The following ZC3H12B variants were observed in gnomAD, a reference collection of about 807,000 sequenced individuals.
The protein encoded by ZC3H12B is probable ribonuclease ZC3H12B.
ZC3H12B carries 7 observed loss-of-function variants against 43.9 expected under a neutral mutation model. That is an observed-to-expected ratio of 0.16 (90% confidence interval 0.09 to 0.30). The LOEUF (loss-of-function observed/expected upper bound fraction) is 0.30, where lower values mean the gene tolerates loss of function less well. Among genes scored for constraint, ZC3H12B ranks in the 10% least tolerant of loss-of-function variants. The probability of loss-of-function intolerance (pLI) is 1.00; values close to 1 mark genes in which losing one functional copy is unlikely to be tolerated. For synonymous variants in ZC3H12B, 222 were observed against 241.7 expected (o/e 0.92, Z 0.76); for missense variants, 475 against 670.2 (o/e 0.71, Z 3.22).
the ZC3H12B span, among the ~76,000 whole-genome samples, chrX:65,194,410 A>T: frequency 2.7e-5 from 3 of 110,399 alleles, no homozygotes; most frequent in African/African-American, 9.9e-5. Flanking sequence ...TAAAATAAAA[A>T]AATAAAAATT....
At chrX:65,324,064 G>T in the ZC3H12B span, among the ~76,000 whole-genome samples, 1 of 110,824 alleles carries the variant, frequency 9.0e-6, no homozygotes, top group Non-Finnish European at 1.9e-5. Context: ...TTGTAAATTT[G>T]TTTAAGTTCC....
chrX:65,298,822 A>T, the ZC3H12B span, among the ~76,000 whole-genome samples: 1 of 111,970 alleles, frequency 8.9e-6, no homozygotes, highest in Non-Finnish European at 1.9e-5. Flanking sequence ...AAACCTCAGA[A>T]AAGTTACAAT....
At chrX:65,273,820 T>C in the ZC3H12B span, among the ~76,000 whole-genome samples, 1 of 112,037 alleles carries the variant, frequency 8.9e-6, no homozygotes, top group Non-Finnish European at 1.9e-5. Context: ...GAAAAAAAAC[T>C]TGCCAAATAT....
intron 2 of ZC3H12B, among the ~76,000 whole-genome samples, chrX:65,380,581 T>C (rs1025995091): frequency 9.0e-6 from 1 of 111,148 alleles, no homozygotes; most frequent in Non-Finnish European, 1.9e-5. Context: ...AACATCATAA[T>C]GACAGGATCA....
At chrX:65,190,649 G>C in the ZC3H12B span, among the ~76,000 whole-genome samples, 2 of 109,114 alleles carry the variant, frequency 1.8e-5, no homozygotes, top group Non-Finnish European at 3.8e-5. Context: ...CATTGATTTT[G>C]TATCCTGAGA....
the ZC3H12B span, among the ~76,000 whole-genome samples, chrX:65,103,276 T>C: frequency 8.9e-6 from 1 of 111,850 alleles, no homozygotes; most frequent in South Asian, 3.8e-4. Context: ...AAAGAATTCA[T>C]CAATATTTCT....
At chrX:65,057,525 T>G in the ZC3H12B span, among the ~76,000 whole-genome samples, 1 of 111,786 alleles carries the variant, frequency 8.9e-6, no homozygotes, top group Non-Finnish European at 1.9e-5. Flanking sequence ...ATTTTTACCT[T>G]CATTTCAACT....
chrX:65,097,014 C>G, the ZC3H12B span, among the ~76,000 whole-genome samples: 1 of 111,363 alleles, frequency 9.0e-6, no homozygotes, highest in Non-Finnish European at 1.9e-5. Flanking sequence ...ATCCTACTAG[C>G]CATCCAACCC....
At position 65,426,752 on chromosome X, in the gene ZC3H12B, G is replaced by A. The variant is rs1434310512; in HGVS notation, n.407+28048G>A. Among the ~76,000 whole-genome samples, 3 of 111,924 alleles carry A rather than the reference G, an allele frequency of 2.7e-5. No individual in the cohort carries two copies. In the Admixed American group the frequency reaches 2.9e-4, roughly 11 times the overall value. On this transcript the variant is annotated intron_variant and non_coding_transcript_variant, in intron 3 of 5. Coordinates refer to the ZC3H12B transcript ENST00000617377. ...CCCAAGAGTCATTCAGTAGAAGGTT[G>A]ATCAATTTTCATGTAGTTGTATGGT...
At chrX:65,161,953 G>T in the ZC3H12B span, among the ~76,000 whole-genome samples, 100 of 111,460 alleles carry the variant, frequency 9.0e-4, no homozygotes, top group African/African-American at 3.2e-3. Flanking sequence ...TTCTTTTAGG[G>T]CAGGCCTGGT....
At chrX:65,153,414 G>A in the ZC3H12B span, among the ~76,000 whole-genome samples, 1 of 112,066 alleles carries the variant, frequency 8.9e-6, no homozygotes, top group East Asian at 2.8e-4. Context: ...CAAAAAGTGG[G>A]CGAAAGACAT....
intron 3 of ZC3H12B, among the ~76,000 whole-genome samples, chrX:65,406,550 G>A (rs1474951732): frequency 2.1e-5 from 2 of 96,495 alleles, no homozygotes; most frequent in Non-Finnish European, 4.1e-5. Flanking sequence ...AGCGTCCCCC[G>A]CCCGATCGGG....
the ZC3H12B span, among the ~76,000 whole-genome samples, chrX:65,055,719 G>T: frequency 9.0e-6 from 1 of 111,130 alleles, no homozygotes; most frequent in Non-Finnish European, 1.9e-5. Context: ...TCTGGTCCTG[G>T]TCTTTTTTTG....
chrX:65,466,768 G>C (rs755280737), intron 3 of ZC3H12B, among the ~76,000 whole-genome samples: 1 of 103,520 alleles, frequency 9.7e-6, no homozygotes, highest in South Asian at 4.5e-4. Context: ...TTTCTAACAG[G>C]TGTGAGGTGT....
chrX:65,471,176 A>G (rs1233338963), intron 3 of ZC3H12B, among the ~76,000 whole-genome samples: 1 of 111,321 alleles, frequency 9.0e-6, no homozygotes, highest in Non-Finnish European at 1.9e-5. Context: ...TCTTAAGTCT[A>G]TTCATTGATT....
At chrX:65,119,604 C>G in the ZC3H12B span, among the ~76,000 whole-genome samples, 1 of 111,634 alleles carries the variant, frequency 9.0e-6, no homozygotes, top group Non-Finnish European at 1.9e-5. Flanking sequence ...GTTGCCTGCT[C>G]ACCCTGATGA....
chrX:65,077,837 G>A, the ZC3H12B span, among the ~76,000 whole-genome samples: 1 of 112,147 alleles, frequency 8.9e-6, no homozygotes, highest in Non-Finnish European at 1.9e-5. Context: ...GGAACTCATA[G>A]CATTCTTGTT....
chrX:65,119,024 C>T, the ZC3H12B span, among the ~76,000 whole-genome samples: 1 of 110,781 alleles, frequency 9.0e-6, no homozygotes, highest in Non-Finnish European at 1.9e-5. Flanking sequence ...GTATATGTGC[C>T]ACATTTTCTT....
the ZC3H12B span, among the ~76,000 whole-genome samples, chrX:65,052,484 C>T: frequency 9.0e-6 from 1 of 110,649 alleles, no homozygotes; most frequent in African/African-American, 3.3e-5. Context: ...TTCCCAGCCT[C>T]CATTGTTTTG....
Sources: gnomAD v4.1 joint callset for allele counts (sites outside exome capture counted in the v4.1 genomes callset) on GRCh38, gnomAD v4.1.1 for gene constraint, MANE v1.5 for transcripts, NCBI Gene and HGNC (gene_info 2026-07-23, HGNC 2026-07-21) for gene names.